FCHSD2: variants seen among roughly 807,000 people sequenced by gnomAD.
FCHSD2 encodes the protein F-BAR and double SH3 domains protein 2.
A neutral mutation model predicts 108.1 loss-of-function variants in FCHSD2; 38 were observed. The ratio of observed to expected loss-of-function variants is 0.35; its 90% confidence interval spans 0.27 to 0.46. The LOEUF (loss-of-function observed/expected upper bound fraction) is 0.46. Among genes scored for constraint, FCHSD2 ranks in the 20% least tolerant of loss-of-function variants. FCHSD2 has a pLI of 1.00. For synonymous variants in FCHSD2, 279 were observed against 314.7 expected, an observed-to-expected ratio of 0.89 and a Z score of 1.20; for missense variants, 751 against 897.8, an observed-to-expected ratio of 0.84 and a Z score of 2.09.
At chr11:73,105,538 T>C (rs897974409) in intron 2 of FCHSD2, among the ~76,000 whole-genome samples, 8 of 152,202 alleles carry the variant, frequency 5.3e-5, no homozygotes, top group African/African-American at 1.9e-4. Context: ...ATCCTAACAT[T>C]GGATAAGTAT....
intron 8 of FCHSD2, among the ~76,000 whole-genome samples, chr11:72,946,767 C>T (rs1346662630): frequency 5.3e-5 from 8 of 152,118 alleles, no homozygotes; most frequent in African/African-American, 1.9e-4. Context: ...TTACAACCAC[C>T]TTTAAGGTAG....
chr11:73,080,947 T>C (rs962814646), intron 3 of FCHSD2, among the ~76,000 whole-genome samples: 2 of 150,820 alleles, frequency 1.3e-5, no homozygotes, highest in Admixed American at 6.6e-5. Flanking sequence ...AGACTCTGTC[T>C]CAAAAAAACA....
intron 8 of FCHSD2, among the ~76,000 whole-genome samples, chr11:72,926,829 GT>G (rs1009739458): frequency 6.6e-6 from 1 of 152,160 alleles, no homozygotes; most frequent in African/African-American, 2.4e-5. Context: ...TTTGTTGATA[GT>G]TTTGAATTTA....
intron 2 of FCHSD2, among the ~76,000 whole-genome samples, chr11:73,098,955 T>C (rs1416013118): frequency 6.6e-6 from 1 of 152,202 alleles, no homozygotes; most frequent in Non-Finnish European, 1.5e-5. Flanking sequence ...GGCTCATCCC[T>C]ATAATCTCAA....
At chr11:72,886,872 T>C (rs1855208892) in intron 12 of FCHSD2, among the ~76,000 whole-genome samples, 3 of 152,264 alleles carry the variant, frequency 2.0e-5, no homozygotes, top group Admixed American at 6.5e-5. Flanking sequence ...CTACACAAAA[T>C]GTACATTTTT....
chr11:72,976,623 G>A (rs1414731088), intron 8 of FCHSD2, among the ~76,000 whole-genome samples: 1 of 152,056 alleles, frequency 6.6e-6, no homozygotes, highest in Admixed American at 6.6e-5. Context: ...AAAGAAAACT[G>A]GAGGAATCAC....
chr11:73,113,641 T>C (rs976582154), intron 2 of FCHSD2, among the ~76,000 whole-genome samples: 7 of 152,228 alleles, frequency 4.6e-5, no homozygotes, highest in Non-Finnish European at 7.3e-5. Context: ...TTGGTATTTA[T>C]TGTAGTCGTC....
Position 72,887,539 on chromosome 11 carries a change from T to C in FCHSD2, c.1077A>G (p.Val359=), listed in dbSNP as rs1855222945. 1 of 1,601,080 alleles carries C rather than the reference T, an allele frequency of 6.2e-7. No individual in the cohort carries two copies. Among genetic ancestry groups the C allele is most frequent in the Non-Finnish European group, 8.5e-7 (1 of 1,174,928 alleles). ...CTAGCTCTGCTCGGCTTTGTTCTGA[T>C]ACAGCAGCTCCATGACACTCCAGAT... ...LNDLECHGAA[V]SEQSRAELEQ... is the part of the protein sequence containing the mutation. The change falls in exon 12 of 20, where the codon GTA becomes GTG. Residue 359 remains valine (V), a synonymous_variant. Coordinates refer to ENST00000409418, the MANE Select transcript of FCHSD2 (RefSeq NM_014824.3).
chr11:72,871,753 ATTT>A (rs35295400), intron 12 of FCHSD2, among the ~76,000 whole-genome samples: 111 of 132,750 alleles, frequency 8.4e-4, no homozygotes, highest in Admixed American at 1.2e-3. Context: ...TTGGTACATA[ATTT>A]TTTTTTTTTT....
rs1041633721 is a variant in FCHSD2, at chr11:72,900,136, G to A, written c.924+2407C>T. 67 of 568,776 alleles carry A rather than the reference G, an allele frequency of 1.2e-4. 1 individual carries two copies. Among genetic ancestry groups the A allele is most frequent in the South Asian group, 3.4e-4 (13 of 37,856 alleles). 35.2% of individuals were successfully genotyped at this position (568,776 alleles called of 1,614,324 possible). On this transcript the variant is annotated intron_variant, in intron 10 of 19. Transcript: ENST00000409418. ...ATTTATAAGAGAAAACACAGCTGGTGCATCAGGGCCTCTTATACATGTATA... is the reference window on the plus strand; with the variant it reads ...ATTTATAAGAGAAAACACAGCTGGTACATCAGGGCCTCTTATACATGTATA...
intron 2 of FCHSD2, among the ~76,000 whole-genome samples, chr11:73,090,287 G>A (rs973365767): frequency 6.7e-6 from 1 of 148,700 alleles, no homozygotes; most frequent in Non-Finnish European, 1.5e-5. Flanking sequence ...GTGCAGTGGC[G>A]GGATCTCGGC....
At chr11:73,118,544 A>G (rs1860658119) in intron 2 of FCHSD2, among the ~76,000 whole-genome samples, 2 of 152,338 alleles carry the variant, frequency 1.3e-5, no homozygotes, top group South Asian at 2.1e-4. Flanking sequence ...TTCACTAAGA[A>G]TGTTTCTGAG....
intron 2 of FCHSD2, among the ~76,000 whole-genome samples, chr11:73,122,733 GA>G (rs1290504736): frequency 6.6e-6 from 1 of 152,064 alleles, no homozygotes; most frequent in Non-Finnish European, 1.5e-5. Flanking sequence ...TAGACACTTA[GA>G]AAAAAAGTCT....
At chr11:72,993,303 T>C (rs1288134403) in intron 5 of FCHSD2, among the ~76,000 whole-genome samples, 1 of 152,240 alleles carries the variant, frequency 6.6e-6, no homozygotes, top group Non-Finnish European at 1.5e-5. Flanking sequence ...ACTTTTACAC[T>C]GTTGGTGGGA....
intron 2 of FCHSD2, among the ~76,000 whole-genome samples, chr11:73,134,469 C>CA (rs906798899): frequency 1.5e-4 from 21 of 140,734 alleles, no homozygotes; most frequent in Middle Eastern, 3.5e-3. Flanking sequence ...GACCCTGTCT[C>CA]AAAAAAAAAA....
chr11:73,118,323 A>G (rs1437049967), intron 2 of FCHSD2, among the ~76,000 whole-genome samples: 2 of 152,164 alleles, frequency 1.3e-5, no homozygotes, highest in Admixed American at 1.3e-4. Flanking sequence ...CATCTCAAAA[A>G]AACAAAAACA....
rs116245253 is a variant in FCHSD2, at chr11:72,914,053, C to G, written c.828+7775G>C. Among the ~76,000 whole-genome samples the G allele has an allele frequency of 5.2e-3, 787 of 152,228 alleles. 5 individuals carry two copies. Among genetic ancestry groups the G allele is most frequent in the African/African-American group, 0.018 (765 of 41,534 alleles). The stretch of plus-strand genomic sequence containing the variant: ...TTTATTTCAGAAGGAGTCTCACTGT[C>G]GCCCAGGCTAGAGTGCAGTGGCATA... On this transcript the variant is annotated intron_variant, in intron 9 of 19. Transcript: ENST00000409418.
chr11:73,001,626 C>T lies in FCHSD2; in HGVS notation c.243-492G>A, dbSNP rs1455904314. Among the ~76,000 whole-genome samples the T allele has an allele frequency of 2.0e-5, 3 of 152,190 alleles. No individual in the cohort carries two copies. In the East Asian group the frequency reaches 5.8e-4, roughly 29 times the overall value. On this transcript the variant is annotated intron_variant, in intron 4 of 19. Transcript: ENST00000409418. ...GGTACCTGTATATATAGTACATTGT[C>T]TTTCAACGACATCATTTTACTCTTA...
intron 5 of FCHSD2, among the ~76,000 whole-genome samples, chr11:72,995,112 T>C (rs1378523086): frequency 1.3e-5 from 2 of 152,192 alleles, no homozygotes; most frequent in Non-Finnish European, 2.9e-5. Flanking sequence ...CTTTCACTTA[T>C]CAAAACATTT....
Sources: gnomAD v4.1 joint callset for allele counts (sites outside exome capture counted in the v4.1 genomes callset) on GRCh38, gnomAD v4.1.1 for gene constraint, MANE v1.5 for transcripts, NCBI Gene and HGNC (gene_info 2026-07-23, HGNC 2026-07-21) for gene names.